COL5A2: variants seen among roughly 807,000 people sequenced by gnomAD.
The protein encoded by COL5A2 is collagen alpha-2(V) chain.
Under a neutral mutation model 208.2 loss-of-function variants are expected in COL5A2, and 23 were observed. The ratio of observed to expected loss-of-function variants is 0.11; its 90% confidence interval spans 0.08 to 0.16. The LOEUF (loss-of-function observed/expected upper bound fraction) is 0.16. COL5A2 is among the 10% of genes least tolerant of loss of function. COL5A2 has a pLI of 1.00. For missense variants in COL5A2, 1,590 were observed against 1,956.4 expected, an observed-to-expected ratio of 0.81 and a Z score of 3.53; for synonymous variants, 625 against 628.5, an observed-to-expected ratio of 0.99 and a Z score of 0.08.
At position 189,039,317 on chromosome 2, in the gene COL5A2, G is replaced by C; in HGVS notation, c.3880C>G (p.Arg1294Gly). 1.2e-6 allele frequency: 2 copies of C among 1,614,024 alleles called. No homozygotes were observed. The highest frequency in any genetic ancestry group is 2.2e-5 in the South Asian group (2 of 91,064). Reference protein sequence around the residue: ...SPDGSKKHPARTCDDLKLCHS... With the variant: ...SPDGSKKHPAGTCDDLKLCHS... Reference sequence around the variant, plus strand: ...CAAAGCTTTAGGTCATCACACGTGCGGGCTGGGTGCTTTTTCGAGCCATCG... The same window carrying C: ...CAAAGCTTTAGGTCATCACACGTGCCGGCTGGGTGCTTTTTCGAGCCATCG... The change falls in exon 51 of 54, where the codon CGC becomes GGC. Residue 1294 changes from arginine (R) to glycine (G), a missense_variant. Coordinates refer to ENST00000374866, the MANE Select transcript of COL5A2 (RefSeq NM_000393.5).
At chr2:189,232,718 A>G in the COL5A2 span, among the ~76,000 whole-genome samples, 1 of 151,632 alleles carries the variant, frequency 6.6e-6, no homozygotes, top group Non-Finnish European at 1.5e-5. Flanking sequence ...AGCCTTGTGA[A>G]TGGGATTAGT....
At chr2:189,198,833 C>G (rs1689038275) in intron 1 of COL5A2, among the ~76,000 whole-genome samples, 1 of 152,068 alleles carries the variant, frequency 6.6e-6, no homozygotes, top group East Asian at 1.9e-4. Context: ...GAAAGGTAAA[C>G]TAAAAACTTT....
At chr2:189,343,329 C>T in the COL5A2 span, among the ~76,000 whole-genome samples, 1 of 152,058 alleles carries the variant, frequency 6.6e-6, no homozygotes, top group Admixed American at 6.6e-5. Flanking sequence ...ATGTTAACTA[C>T]AGTTCTTATT....
At chr2:189,048,334 A>T in intron 44 of COL5A2, 72 bp from the exon 45 acceptor site, 1 of 1,383,306 alleles carries the variant, frequency 7.2e-7, no homozygotes, top group South Asian at 1.2e-5. Flanking sequence ...ATTGTCAAAA[A>T]ATGACAGCAT....
rs191227240 is a variant in COL5A2 at position 189,043,156 on chromosome 2, G to A, written c.3466C>T (p.Pro1156Ser). The A allele has an allele frequency of 6.8e-6, 11 of 1,611,526 alleles. No individual in the cohort carries two copies. In the East Asian group the frequency reaches 2.5e-4, roughly 36 times the overall value. ...GFTGLQGLPG[P>S]PGPNGEQGSA... ...TACTTAAAGGAATAACTTACAGGAGGGCCAGGAAGACCCTGAAGACCAGTA... is the reference window on the plus strand; with the variant it reads ...TACTTAAAGGAATAACTTACAGGAGAGCCAGGAAGACCCTGAAGACCAGTA... The change falls in exon 48 of 54, where the codon CCT becomes TCT. Residue 1156 changes from proline (P) to serine (S), a missense_variant. Coordinates refer to ENST00000374866, the MANE Select transcript of COL5A2 (RefSeq NM_000393.5).
At chr2:189,371,752 A>T in the COL5A2 span, among the ~76,000 whole-genome samples, 4 of 152,228 alleles carry the variant, frequency 2.6e-5, no homozygotes, top group African/African-American at 9.6e-5. Context: ...GAAGTGACTT[A>T]TAGTTAGAAC....
chr2:189,279,294 A>G, the COL5A2 span, among the ~76,000 whole-genome samples: 4 of 151,992 alleles, frequency 2.6e-5, no homozygotes, highest in East Asian at 7.7e-4. Context: ...AATTAAGCTT[A>G]TAAAGTGAGA....
chr2:189,409,712 G>A, the COL5A2 span, among the ~76,000 whole-genome samples: 1 of 151,996 alleles, frequency 6.6e-6, no homozygotes, highest in Non-Finnish European at 1.5e-5. Flanking sequence ...TTATAATACT[G>A]AATTTATTTG....
intron 1 of COL5A2, among the ~76,000 whole-genome samples, chr2:189,190,404 T>A (rs890827504): frequency 2.6e-5 from 4 of 152,180 alleles, no homozygotes; most frequent in Admixed American, 1.3e-4. Context: ...ATCTTGAAAA[T>A]CCATAAATAC....
At chr2:189,196,191 CAT>C (rs1387113569) in intron 1 of COL5A2, among the ~76,000 whole-genome samples, 5 of 152,178 alleles carry the variant, frequency 3.3e-5, no homozygotes, top group African/African-American at 1.2e-4. Context: ...AACCAACAAA[CAT>C]ATGAAAAAAG....
chr2:189,081,344 G>A (rs757031784), intron 12 of COL5A2, among the ~76,000 whole-genome samples: 1 of 152,014 alleles, frequency 6.6e-6, no homozygotes, highest in Non-Finnish European at 1.5e-5. Context: ...AATTAGTAGT[G>A]AAAACAAAAC....
Position 189,039,440 on chromosome 2 carries a change from C to T in COL5A2, c.3757G>A (p.Glu1253Lys). 6.2e-7 allele frequency: 1 copy of T among 1,614,096 alleles called. No individual in the cohort carries two copies. Among genetic ancestry groups the T allele is most frequent in the South Asian group, 1.1e-5 (1 of 91,076 alleles). Reference protein sequence around the residue: ...SMPDPLPEFTEDQAAPDDKNK... With the variant: ...SMPDPLPEFTKDQAAPDDKNK... ...TTGTCATCAGGAGCCGCCTGATCTTCAGTAAACTCAGGAAGTGGATCTGGC... is the reference window on the plus strand; with the variant it reads ...TTGTCATCAGGAGCCGCCTGATCTTTAGTAAACTCAGGAAGTGGATCTGGC... The change falls in exon 51 of 54, where the codon GAA (glutamate) becomes AAA (lysine). Residue 1253 changes from glutamate (E) to lysine (K), a missense_variant. Transcript: ENST00000374866.
chr2:189,326,699 T>A, the COL5A2 span, among the ~76,000 whole-genome samples: 1 of 149,346 alleles, frequency 6.7e-6, no homozygotes, highest in Non-Finnish European at 1.5e-5. Flanking sequence ...TCAAAAAAAT[T>A]ATTATACCTT....
intron 1 of COL5A2, among the ~76,000 whole-genome samples, chr2:189,117,467 T>G (rs749367969): frequency 2.6e-5 from 4 of 152,162 alleles, no homozygotes; most frequent in Non-Finnish European, 5.9e-5. Flanking sequence ...CATGAAACAT[T>G]TGTAAGTGTT....
intron 1 of COL5A2, among the ~76,000 whole-genome samples, chr2:189,187,132 T>C (rs972027644): frequency 1.3e-5 from 2 of 152,306 alleles, no homozygotes; most frequent in South Asian, 4.1e-4. Context: ...CTCTTCTCTT[T>C]ACACACTATT....
At chr2:189,415,347 G>A in the COL5A2 span, among the ~76,000 whole-genome samples, 2 of 152,026 alleles carry the variant, frequency 1.3e-5, no homozygotes, top group South Asian at 4.1e-4. Context: ...TTCTTGAACC[G>A]TGGTCAGTAA....
Sources: gnomAD v4.1 joint callset for allele counts (sites outside exome capture counted in the v4.1 genomes callset) on GRCh38, gnomAD v4.1.1 for gene constraint, MANE v1.5 for transcripts, NCBI Gene and HGNC (gene_info 2026-07-23, HGNC 2026-07-21) for gene names.